KLHDC9: variants seen among roughly 807,000 people sequenced by gnomAD.
KLHDC9 encodes kelch domain-containing protein 9.
A neutral mutation model predicts 31.5 loss-of-function variants in KLHDC9; 26 were observed. That is an observed-to-expected ratio of 0.83 (90% CI 0.61 to 1.15). The LOEUF is 1.15. Among genes scored for constraint, KLHDC9 ranks in the 50% most tolerant of loss-of-function variants. The pLI is 0.00. For synonymous variants in KLHDC9, 176 were observed against 184.7 expected, an observed-to-expected ratio of 0.95 and a Z score of 0.38; for missense variants, 437 against 467.7, an observed-to-expected ratio of 0.93 and a Z score of 0.61.
Position 161,098,412 on chromosome 1 carries a change from C to G in KLHDC9, c.-124C>G. 1.2e-6 allele frequency: 1 copy of G among 865,064 alleles called. No individual in the cohort carries two copies. 53.6% of individuals were successfully genotyped at this position (865,064 alleles called of 1,614,324 possible). ...AGAAAGCCGGGACTTGAGGTGGGAA[C>G]CCCGGCTGGCGTCCGGTAGGGGGAG... On this transcript the variant is annotated 5_prime_UTR_variant, in exon 1 of 4. Coordinates refer to ENST00000368011, the MANE Select transcript of KLHDC9 (RefSeq NM_152366.5). This position sits in a 1 kb window ranked among gnomAD's most constrained non-coding sequence, Gnocchi z 6.3.
At position 161,098,528 on chromosome 1, in the gene KLHDC9, CG is replaced by C; in HGVS notation, c.-4del. The C allele has an allele frequency of 6.5e-7, 1 of 1,545,200 alleles. No individual in the cohort carries two copies. Among genetic ancestry groups the C allele is most frequent in the Non-Finnish European group, 8.7e-7 (1 of 1,143,130 alleles). On this transcript the variant is annotated 5_prime_UTR_variant, in exon 1 of 4. Coordinates refer to ENST00000368011, the MANE Select transcript of KLHDC9 (RefSeq NM_152366.5). This position sits in a 1 kb window ranked among gnomAD's most constrained non-coding sequence, Gnocchi z 6.3. ...CAGACCCCACCGCCCTCCCTCTCCCCGGGGCCCATGGCGGTGGCCGTGCCCC... is the reference window on the plus strand; with the variant it reads ...CAGACCCCACCGCCCTCCCTCTCCCCGGGCCCATGGCGGTGGCCGTGCCCC...
rs1654402015 is a variant in KLHDC9, at chr1:161,098,389, A to G, written c.-147A>G. 6 of 675,154 alleles carry G rather than the reference A, an allele frequency of 8.9e-6. No homozygotes were observed. The highest frequency in any genetic ancestry group is 3.2e-5 in the Admixed American group (1 of 31,388). The allele number at this position is 675,154 out of a possible 1,614,324, so 41.8% of individuals were successfully genotyped here. ...GTGGTTGCTGGGCGACCACGGAGAG[A>G]AAGCCGGGACTTGAGGTGGGAACCC... is the stretch of plus-strand genomic sequence containing the variant. On this transcript the variant is annotated 5_prime_UTR_variant, in exon 1 of 4. Coordinates refer to ENST00000368011, the MANE Select transcript of KLHDC9 (RefSeq NM_152366.5). The surrounding 1 kb of genome is among the most constrained non-coding windows in gnomAD (Gnocchi z 6.3).
At chr1:161,099,293 C>A in intron 1 of KLHDC9, 53 bp from the exon 2 acceptor site, 1 of 1,606,044 alleles carries the variant, frequency 6.2e-7, no homozygotes, top group South Asian at 1.1e-5. Context: ...AGGGCGGTGG[C>A]ACTTACATTT....
At chr1:161,100,039 AC>A (rs768372046) in intron 3 of KLHDC9, 21 bp from the exon 4 acceptor site, 19 of 1,611,540 alleles carry the variant, frequency 1.2e-5, no homozygotes, top group Non-Finnish European at 1.6e-5. Flanking sequence ...CTCAATAACC[AC>A]CCTCTGCCCG....
In KLHDC9 at chr1:161,098,453, C is replaced by T; in HGVS notation, c.-83C>T. 7.7e-7 allele frequency: 1 copy of T among 1,291,108 alleles called. No individual in the cohort carries two copies. Among genetic ancestry groups the T allele is most frequent in the Admixed American group, 3.1e-5 (1 of 32,464 alleles). The allele number at this position is 1,291,108 out of a possible 1,614,324, so 80.0% of individuals were successfully genotyped here. ...GTAGGGGGAGGTTCCCGGGGAAGCC[C>T]GCGGAAGGCGAGGTGCCTGGCCTGC... On this transcript the variant is annotated 5_prime_UTR_variant, in exon 1 of 4. Coordinates refer to ENST00000368011, the MANE Select transcript of KLHDC9 (RefSeq NM_152366.5). This position sits in a 1 kb window ranked among gnomAD's most constrained non-coding sequence, Gnocchi z 6.3.
Position 161,098,673 on chromosome 1 carries a change from C to T in KLHDC9, c.138C>T (p.Leu46=), listed in dbSNP as rs767621770. ...GACGGTTCTATCTCGTAGGTGGTCT[C>T]CTAGCAGGAGGAGCGAGAGAGCCCA... ...LRGRFYLVGG[L]LAGGAREPSS... is the part of the protein sequence containing the mutation. Residue 46 remains leucine, a synonymous_variant, in exon 1 of 4, where the codon CTC becomes CTT. Coordinates refer to ENST00000368011, the MANE Select transcript of KLHDC9 (RefSeq NM_152366.5). The surrounding 1 kb of genome is among the most constrained non-coding windows in gnomAD (Gnocchi z 6.3). 1.2e-6 allele frequency: 2 copies of T among 1,613,236 alleles called. No homozygotes were observed. Among genetic ancestry groups the T allele is most frequent in the Non-Finnish European group, 1.7e-6 (2 of 1,179,542 alleles).
In KLHDC9 at chr1:161,100,064, C is replaced by T. The variant is rs1039779210; in HGVS notation, c.890C>T (p.Thr297Ile). 1.9e-6 allele frequency: 3 copies of T among 1,614,090 alleles called. No homozygotes were observed. The highest frequency in any genetic ancestry group is 1.3e-5 in the African/African-American group (1 of 74,952). ...ACCCTCTGCCCGTATCCAACAGGCA[C>T]ATCTCCTCCTTTGTGGTTCCACTTC... is the stretch of plus-strand genomic sequence containing the variant. ...CNDLYIYDTR[T>I]SPPLWFHFPC... is the part of the protein sequence containing the mutation. Residue 297 changes from threonine to isoleucine, a missense_variant, in exon 4 of 4, where the codon ACA becomes ATA. By Grantham distance (89) the Thr-to-Ile change is moderately conservative. Coordinates refer to ENST00000368011, the MANE Select transcript of KLHDC9 (RefSeq NM_152366.5).
Position 161,099,523 on chromosome 1 carries a change from A to G in KLHDC9, c.687+18A>G, listed in dbSNP as rs1325958524. On this transcript the variant is annotated intron_variant, in intron 2 of 3. Transcript: ENST00000368011. ...AAATTAAGGTATTAGCTCCTCACAC[A>G]TCTTGTTTAGGATGGGAAGAGGCTA... is the stretch of plus-strand genomic sequence containing the variant. 6 of 1,614,056 alleles carry G rather than the reference A, an allele frequency of 3.7e-6. No homozygotes were observed. The highest frequency in any genetic ancestry group is 4.2e-6 in the Non-Finnish European group (5 of 1,180,024).
chr1:161,098,503 C>T lies in KLHDC9; in HGVS notation c.-33C>T. The T allele has an allele frequency of 6.6e-7, 1 of 1,516,852 alleles. No homozygotes were observed. Among genetic ancestry groups the T allele is most frequent in the East Asian group, 2.5e-5 (1 of 40,370 alleles). The allele number at this position is 1,516,852 out of a possible 1,614,324, so 94.0% of individuals were successfully genotyped here. On this transcript the variant is annotated 5_prime_UTR_variant, in exon 1 of 4. Transcript: ENST00000368011. The surrounding 1 kb of genome is among the most constrained non-coding windows in gnomAD (Gnocchi z 6.3). ...CCATGTAGGGGCTCGTTCCAAGCCG[C>T]AGACCCCACCGCCCTCCCTCTCCCC...
At chr1:161,099,172 C>T (rs1654453778) in intron 1 of KLHDC9, 110 bp downstream of exon 1, 1 of 1,349,106 alleles carries the variant, frequency 7.4e-7, no homozygotes, top group East Asian at 2.5e-5. Context: ...TAGCACCCTC[C>T]TTCCAGGGGA....
chr1:161,099,914 TA>T (rs1654499566), intron 3 of KLHDC9, 118 bp downstream of exon 3: 1 of 1,326,954 alleles, frequency 7.5e-7, no homozygotes, highest in Admixed American at 1.7e-5. Context: ...TGACAGGAGT[TA>T]AAGGAGTACA....
intron 3 of KLHDC9, 123 bp from the exon 4 acceptor site, chr1:161,099,938 C>A: frequency 2.2e-6 from 3 of 1,344,622 alleles, no homozygotes; most frequent in Non-Finnish European, 3.2e-6. Context: ...GAATATTAAG[C>A]ATTTGAAGAG....
At position 161,098,878 on chromosome 1, in the gene KLHDC9, G is replaced by C; in HGVS notation, c.343G>C (p.Gly115Arg). The C allele has an allele frequency of 6.3e-7, 1 of 1,576,202 alleles. No homozygotes were observed. The highest frequency in any genetic ancestry group is 8.6e-7 in the Non-Finnish European group (1 of 1,161,758). The part of the protein sequence containing the change: ...ATVTALDTER[G>R]VWEAWTGTPG... The stretch of plus-strand genomic sequence containing the variant: ...AGTGACCGCACTGGACACAGAGCGC[G>C]GTGTGTGGGAGGCGTGGACAGGGAC... The change falls in exon 1 of 4, where the codon GGT becomes CGT. Residue 115 changes from glycine to arginine, a missense_variant. Coordinates refer to ENST00000368011, the MANE Select transcript of KLHDC9 (RefSeq NM_152366.5). The surrounding 1 kb of genome is among the most constrained non-coding windows in gnomAD (Gnocchi z 6.3).
At chr1:161,099,185 C>G in intron 1 of KLHDC9, 123 bp downstream of exon 1, 1 of 1,326,970 alleles carries the variant, frequency 7.5e-7, no homozygotes, top group Non-Finnish European at 1.1e-6. Flanking sequence ...CCAGGGGAAC[C>G]TACCATGTTT....
rs1350106059 is a variant in KLHDC9 at position 161,098,784 on chromosome 1, C to T, written c.249C>T (p.Asp83=). 2 of 1,594,660 alleles carry T rather than the reference C, an allele frequency of 1.3e-6. No homozygotes were observed. Among genetic ancestry groups the T allele is most frequent in the East Asian group, 2.3e-5 (1 of 43,534 alleles). Residue 83 remains aspartate, a synonymous_variant, in exon 1 of 4, where the codon GAC becomes GAT. Transcript: ENST00000368011. The surrounding 1 kb of genome is among the most constrained non-coding windows in gnomAD (Gnocchi z 6.3). The stretch of plus-strand genomic sequence containing the variant: ...GCAGCCCCCCGCGCAGTCACCACGA[C>T]GCGGCACCCGTGGACGGGCGTTGGC... ...ARGSPPRSHH[D]AAPVDGRWLC...
chr1:161,100,309 C>A lies in KLHDC9; in HGVS notation c.*85C>A. ...GCGTTATCACCAGAGCTATCTGCTTCACTTCAAATGCTTATTAAATTTCAA... is the reference window on the plus strand; with the variant it reads ...GCGTTATCACCAGAGCTATCTGCTTAACTTCAAATGCTTATTAAATTTCAA... On this transcript the variant is annotated 3_prime_UTR_variant, in exon 4 of 4. Transcript: ENST00000368011. 1 of 1,331,580 alleles carries A rather than the reference C, an allele frequency of 7.5e-7. No homozygotes were observed. The highest frequency in any genetic ancestry group is 1.0e-6 in the Non-Finnish European group (1 of 962,534). The allele number at this position is 1,331,580 out of a possible 1,614,324, so 82.5% of individuals were successfully genotyped here.
chr1:161,098,429 T>C lies in KLHDC9; in HGVS notation c.-107T>C. ...GGTGGGAACCCCGGCTGGCGTCCGG[T>C]AGGGGGAGGTTCCCGGGGAAGCCCG... is the stretch of plus-strand genomic sequence containing the variant. On this transcript the variant is annotated 5_prime_UTR_variant, in exon 1 of 4. Transcript: ENST00000368011. The surrounding 1 kb of genome is among the most constrained non-coding windows in gnomAD (Gnocchi z 6.3). 1 of 1,013,456 alleles carries C rather than the reference T, an allele frequency of 9.9e-7. No individual in the cohort carries two copies. Among genetic ancestry groups the C allele is most frequent in the Non-Finnish European group, 1.4e-6 (1 of 730,936 alleles). The allele number at this position is 1,013,456 out of a possible 1,614,324, so 62.8% of individuals were successfully genotyped here. A position where few individuals can be genotyped will look rare whatever the true frequency, so the allele number is the denominator to read the frequency against.
At chr1:161,099,281 C>A in intron 1 of KLHDC9, 65 bp from the exon 2 acceptor site, 1 of 1,587,640 alleles carries the variant, frequency 6.3e-7, no homozygotes, top group Non-Finnish European at 8.6e-7. Context: ...CCATCCTTGG[C>A]AAGGGCGGTG....
Position 161,099,594 on chromosome 1 carries a change from C to G in KLHDC9, c.688-4C>G. 1 of 1,614,204 alleles carries G rather than the reference C, an allele frequency of 6.2e-7. No individual in the cohort carries two copies. The highest frequency in any genetic ancestry group is 2.2e-5 in the East Asian group (1 of 44,880). ...CTTCGGACAGTCCTTTCTTTCTCCC[C>G]AAGGAGGAACCACCTGTTGCTCCTC... is the stretch of plus-strand genomic sequence containing the variant. On this transcript the variant is annotated splice_region_variant and splice_polypyrimidine_tract_variant and intron_variant, in intron 2 of 3. Coordinates refer to ENST00000368011, the MANE Select transcript of KLHDC9 (RefSeq NM_152366.5).
Sources: allele counts gnomAD v4.1 joint callset, GRCh38; gene constraint gnomAD v4.1.1; non-coding constraint Gnocchi (gnomAD v3.1); transcripts MANE v1.5; gene names NCBI Gene and HGNC (gene_info 2026-07-23, HGNC 2026-07-21).